Variants in ADCY8 observed in about 807,000 individuals in gnomAD.
The protein encoded by ADCY8 is adenylate cyclase 8.
In ADCY8, 51 loss-of-function variants were observed where a neutral mutation model predicts 119.7. That is an observed-to-expected ratio of 0.43 (90% CI 0.34 to 0.54). The LOEUF (loss-of-function observed/expected upper bound fraction) is 0.54. Among genes scored for constraint, ADCY8 ranks in the 20% least tolerant of loss-of-function variants. ADCY8 has a pLI of 0.03. For synonymous variants in ADCY8, 665 were observed against 651.0 expected, an observed-to-expected ratio of 1.02 and a Z score of -0.33; for missense variants, 1,383 against 1,598.8, an observed-to-expected ratio of 0.87 and a Z score of 2.30.
intron 15 of ADCY8, among the ~76,000 whole-genome samples, chr8:130,794,341 T>C (rs1563666795): frequency 6.6e-6 from 1 of 152,110 alleles, no homozygotes; most frequent in Non-Finnish European, 1.5e-5. Flanking sequence ...ACTTCCCAGG[T>C]TCAAGTGATT....
intron 7 of ADCY8, among the ~76,000 whole-genome samples, chr8:130,903,554 A>G (rs1819676815): frequency 6.9e-6 from 1 of 145,556 alleles, no homozygotes; most frequent in African/African-American, 2.5e-5. Context: ...AGAGAGAGAG[A>G]GGGTGTTAGG....
intron 15 of ADCY8, among the ~76,000 whole-genome samples, chr8:130,797,701 C>T (rs1343861372): frequency 6.6e-6 from 1 of 152,194 alleles, no homozygotes; most frequent in Non-Finnish European, 1.5e-5. Flanking sequence ...TTGCAAGACC[C>T]TCTGTACTAG....
intron 3 of ADCY8, among the ~76,000 whole-genome samples, chr8:130,944,485 G>A (rs1821050496): frequency 6.6e-6 from 1 of 152,128 alleles, no homozygotes; most frequent in Admixed American, 6.5e-5. Flanking sequence ...CTTACAATCA[G>A]CCTATGAGTG....
intron 11 of ADCY8, among the ~76,000 whole-genome samples, chr8:130,842,240 G>T (rs1019475552): frequency 6.6e-6 from 1 of 152,014 alleles, no homozygotes; most frequent in South Asian, 2.1e-4. Flanking sequence ...TGAGTAATTT[G>T]ATTATGATGT....
At chr8:131,019,141 G>A (rs1057395816) in intron 1 of ADCY8, among the ~76,000 whole-genome samples, 3 of 152,154 alleles carry the variant, frequency 2.0e-5, no homozygotes, top group African/African-American at 7.2e-5. Context: ...TGAAAATGAT[G>A]AGCTGGTGTA....
rs1824296489 is a variant in ADCY8 at position 131,039,694 on chromosome 8, T to A, written c.640A>T (p.Ile214Phe). The change falls in exon 1 of 18, where the codon ATC becomes TTC. Residue 214 changes from isoleucine (I) to phenylalanine (F), a missense_variant. Coordinates refer to ENST00000286355, the MANE Select transcript of ADCY8 (RefSeq NM_001115.3). ...ASAPMDPLKG[I>F]LLGFFTGIEV... ...ATGCCGGTGAAGAAGCCCAGCAGGATGCCCTTGAGCGGGTCCATGGGGGCC... is the reference window on the plus strand; with the variant it reads ...ATGCCGGTGAAGAAGCCCAGCAGGAAGCCCTTGAGCGGGTCCATGGGGGCC... 6.2e-7 allele frequency: 1 copy of A among 1,613,948 alleles called. No individual in the cohort carries two copies. Among genetic ancestry groups the A allele is most frequent in the Non-Finnish European group, 8.5e-7 (1 of 1,180,026 alleles).
intron 8 of ADCY8, among the ~76,000 whole-genome samples, chr8:130,868,235 T>C (rs1268674875): frequency 6.6e-6 from 1 of 152,154 alleles, no homozygotes; most frequent in Non-Finnish European, 1.5e-5. Flanking sequence ...CATCCATATA[T>C]GCAGCAAATC....
At chr8:130,888,799 C>A (rs960930841) in intron 7 of ADCY8, among the ~76,000 whole-genome samples, 1 of 152,116 alleles carries the variant, frequency 6.6e-6, no homozygotes, top group Non-Finnish European at 1.5e-5. Context: ...TTCTTTAGGA[C>A]TTGTCTTTTA....
chr8:130,955,009 T>C (rs182350296), intron 2 of ADCY8, among the ~76,000 whole-genome samples: 31 of 152,354 alleles, frequency 2.0e-4, no homozygotes, highest in African/African-American at 6.7e-4. Flanking sequence ...ATTTATTTAT[T>C]TATTCATCTA....
At chr8:130,822,647 T>C (rs1816554000) in intron 12 of ADCY8, among the ~76,000 whole-genome samples, 1 of 152,022 alleles carries the variant, frequency 6.6e-6, no homozygotes, top group Admixed American at 6.6e-5. Context: ...ATAGACACAT[T>C]CCAGTACCAT....
At chr8:130,861,342 C>T (rs1437180100) in intron 9 of ADCY8, among the ~76,000 whole-genome samples, 1 of 152,140 alleles carries the variant, frequency 6.6e-6, no homozygotes, top group Admixed American at 6.5e-5. Flanking sequence ...CACAGAATAT[C>T]TCTTCATTTA....
chr8:130,980,024 A>G (rs1055388839), intron 2 of ADCY8, among the ~76,000 whole-genome samples: 6 of 152,042 alleles, frequency 3.9e-5, no homozygotes, highest in Admixed American at 2.6e-4. Context: ...TCAGGGTTGG[A>G]TTTTTTTCTG....
chr8:130,867,829 A>T lies in ADCY8; in HGVS notation c.2210+17T>A, dbSNP rs1340778977. The T allele has an allele frequency of 1.9e-6, 3 of 1,548,252 alleles. No homozygotes were observed. Among genetic ancestry groups the T allele is most frequent in the South Asian group, 1.1e-5 (1 of 87,858 alleles). ...ACAAAGATATTTCACCAGATCAATT[A>T]GTTCTTTTACATTTACCTTGAAGAA... is the stretch of plus-strand genomic sequence containing the variant. On this transcript the variant is annotated intron_variant, in intron 9 of 17. Transcript: ENST00000286355.
At chr8:130,906,444 A>G (rs920020472) in intron 6 of ADCY8, among the ~76,000 whole-genome samples, 4 of 152,208 alleles carry the variant, frequency 2.6e-5, no homozygotes, top group African/African-American at 7.2e-5. Flanking sequence ...CAAGGGGACA[A>G]ATACTTCCAT....
chr8:130,787,547 G>A (rs866137483), intron 15 of ADCY8, among the ~76,000 whole-genome samples: 3 of 143,348 alleles, frequency 2.1e-5, no homozygotes, highest in East Asian at 4.0e-4. Flanking sequence ...ACATATGTGT[G>A]TGGACACACA....
intron 15 of ADCY8, among the ~76,000 whole-genome samples, chr8:130,794,002 A>G (rs560808571): frequency 6.6e-6 from 1 of 152,306 alleles, no homozygotes; most frequent in East Asian, 1.9e-4. Flanking sequence ...TAAATCCATT[A>G]TGGCTGGTGT....
chr8:130,942,346 A>G (rs1448398626), intron 4 of ADCY8, among the ~76,000 whole-genome samples: 1 of 152,160 alleles, frequency 6.6e-6, no homozygotes, highest in Non-Finnish European at 1.5e-5. Flanking sequence ...TCTCTCATCT[A>G]AAGGTCATGT....
At chr8:130,937,026 T>G in intron 5 of ADCY8, 47 bp downstream of exon 5, 1 of 1,575,088 alleles carries the variant, frequency 6.3e-7, no homozygotes, top group Non-Finnish European at 8.7e-7. Flanking sequence ...TGGCCTGTGA[T>G]CGTGCACATT....
chr8:130,901,627 T>G (rs1280635183), intron 7 of ADCY8, among the ~76,000 whole-genome samples: 1 of 152,214 alleles, frequency 6.6e-6, no homozygotes, highest in Admixed American at 6.5e-5. Flanking sequence ...TATGGCTCAC[T>G]GACTTCTAGA....
Sources: gnomAD v4.1 joint callset for allele counts (sites outside exome capture counted in the v4.1 genomes callset) on GRCh38, gnomAD v4.1.1 for gene constraint, MANE v1.5 for transcripts, NCBI Gene and HGNC (gene_info 2026-07-23, HGNC 2026-07-21) for gene names.